The following IFT122 variants were observed in gnomAD, a reference collection of about 807,000 sequenced individuals.
IFT122 encodes the protein intraflagellar transport protein 122 homolog.
Under a neutral mutation model 161.6 loss-of-function variants are expected in IFT122, and 118 were observed. The observed-to-expected ratio is 0.73, with a 90% CI of 0.63 to 0.85. The LOEUF is 0.85. Among genes scored for constraint, IFT122 ranks in the 40% least tolerant of loss-of-function variants. The probability of loss-of-function intolerance (pLI) is 0.00; values close to 1 mark genes in which losing one functional copy is unlikely to be tolerated. For missense variants in IFT122, 1,381 were observed against 1,579.6 expected, an observed-to-expected ratio of 0.87 and a Z score of 2.13; for synonymous variants, 550 against 602.4, an observed-to-expected ratio of 0.91 and a Z score of 1.27.
chr3:129,519,814 C>A, intron 29 of IFT122, 82 bp downstream of exon 29: 1 of 1,537,356 alleles, frequency 6.5e-7, no homozygotes, highest in African/African-American at 1.4e-5. Flanking sequence ...GAGGCGTGGC[C>A]CCTGGGAGGA....
rs780944047 is a variant in IFT122 at position 129,452,015 on chromosome 3, G to T, written c.193+17G>T. The T allele has an allele frequency of 5.1e-6, 8 of 1,578,098 alleles. No individual in the cohort carries two copies. The South Asian group carries it at 8.9e-5, about 17-fold the overall frequency. ...CGAAGGATGGTAAAAGGCTGCTCTG[G>T]GTTTCCATTCTCTATAATAGCCTCA... On this transcript the variant is annotated intron_variant, in intron 3 of 29. Transcript: ENST00000348417.
chr3:129,492,349 G>A (rs2080231241), intron 17 of IFT122, among the ~76,000 whole-genome samples, 155 bp downstream of exon 17: 1 of 152,194 alleles, frequency 6.6e-6, no homozygotes. Flanking sequence ...GGGGCAGAGT[G>A]GCCACACTGG....
intron 9 of IFT122, among the ~76,000 whole-genome samples, chr3:129,471,143 G>T (rs1289351121): frequency 6.6e-6 from 1 of 152,220 alleles, no homozygotes; most frequent in Admixed American, 6.5e-5. Context: ...AACCTGTGCA[G>T]TGAAGCCTTT....
At chr3:129,463,983 ATC>A (rs1559875047) in intron 6 of IFT122, among the ~76,000 whole-genome samples, 1 of 152,186 alleles carries the variant, frequency 6.6e-6, no homozygotes, top group Non-Finnish European at 1.5e-5. Flanking sequence ...AGAATCCAGA[ATC>A]TCTCATTGAC....
At chr3:129,456,679 C>G (rs2075531367) in intron 3 of IFT122, among the ~76,000 whole-genome samples, 2 of 151,926 alleles carry the variant, frequency 1.3e-5, no homozygotes, top group Non-Finnish European at 2.9e-5. Flanking sequence ...AATCACAGCA[C>G]TTTGGAAGGC....
Position 129,504,346 on chromosome 3 carries a change from G to C in IFT122, c.2575G>C (p.Glu859Gln), listed in dbSNP as rs2081966365. 2 of 1,614,040 alleles carry C rather than the reference G, an allele frequency of 1.2e-6. No individual in the cohort carries two copies. The highest frequency in any genetic ancestry group is 4.5e-5 in the East Asian group (2 of 44,880). The change falls in exon 21 of 30, where the codon GAG (glutamate) becomes CAG (glutamine). Residue 859 changes from glutamate to glutamine, a missense_variant. Around this residue, in one of 7 missense-constraint regions of IFT122, gnomAD observed 496 missense variants for 502.5 expected, o/e 0.99. Coordinates refer to ENST00000348417, the MANE Select transcript of IFT122 (RefSeq NM_052989.3). ...CTTTGCTTTGGGTGAGAAGCATCCT[G>C]AGTTTAAGGATGACATCTACATGCC... is the stretch of plus-strand genomic sequence containing the variant. ...EAFALGEKHP[E>Q]FKDDIYMPYA...
chr3:129,510,503 A>G (rs1435698747), intron 23 of IFT122, among the ~76,000 whole-genome samples: 1 of 152,152 alleles, frequency 6.6e-6, no homozygotes, highest in Non-Finnish European at 1.5e-5. Context: ...GCTCACCTGG[A>G]GAGAAACCAC....
At chr3:129,499,502 G>C (rs923145279) in intron 18 of IFT122, among the ~76,000 whole-genome samples, 6 of 152,244 alleles carry the variant, frequency 3.9e-5, no homozygotes, top group Admixed American at 3.9e-4. Flanking sequence ...TCTCATTGCT[G>C]TTTAGGAACA....
rs888690910 is a variant in IFT122, at chr3:129,440,340, G to A, written c.10G>A (p.Val4Met). The change falls in exon 1 of 30, where the codon GTG (valine) becomes ATG (methionine). Residue 4 changes from valine (V) to methionine (M), a missense_variant. By Grantham distance (21) the Val-to-Met change is conservative. This residue lies in a region of IFT122 where 134 missense variants were observed against 137.4 expected (regional missense o/e 0.98). Transcript: ENST00000348417. ...CGTAAGGGAAGCCGTGATGAGGGCC[G>A]TGTTGACGTGGAGAGATAAAGCCGA... MRA[V>M]LTWRDKAEHC... 6.4e-7 allele frequency: 1 copy of A among 1,550,964 alleles called. No individual in the cohort carries two copies. Among genetic ancestry groups the A allele is most frequent in the Non-Finnish European group, 8.7e-7 (1 of 1,146,844 alleles).
chr3:129,444,705 A>G (rs940760445), intron 1 of IFT122, among the ~76,000 whole-genome samples: 2 of 152,158 alleles, frequency 1.3e-5, no homozygotes, highest in Non-Finnish European at 2.9e-5. Context: ...TATTTTTAGT[A>G]GAGATACAGT....
At chr3:129,504,115 C>G in intron 20 of IFT122, 7 of 546,296 alleles carry the variant, frequency 1.3e-5, no homozygotes, top group Non-Finnish European at 1.3e-5. Flanking sequence ...CAGTCGCTTG[C>G]ATATTGCTGT....
intron 5 of IFT122, chr3:129,463,338 T>G: frequency 2.0e-6 from 1 of 510,338 alleles, no homozygotes; most frequent in South Asian, 2.0e-5. Flanking sequence ...CTCCAAACCC[T>G]GGTAACCACA....
At chr3:129,464,222 C>G (rs1405863977) in intron 6 of IFT122, among the ~76,000 whole-genome samples, 2 of 152,198 alleles carry the variant, frequency 1.3e-5, no homozygotes, top group Non-Finnish European at 2.9e-5. Context: ...CGTTCAGCAT[C>G]TGTTGAGCAC....
Position 129,478,007 on chromosome 3 carries a change from C to A in IFT122, c.1148-9C>A, listed in dbSNP as rs754061139. On this transcript the variant is annotated splice_polypyrimidine_tract_variant and intron_variant, in intron 11 of 29. Transcript: ENST00000348417. ...TCTTGCTAGAACTAGATATTTTTTT[C>A]TTTGACAGTTCGGATTAAATGCAAA... 6 of 1,612,208 alleles carry A rather than the reference C, an allele frequency of 3.7e-6. No homozygotes were observed. Among genetic ancestry groups the A allele is most frequent in the Non-Finnish European group, 5.1e-6 (6 of 1,178,814 alleles).
intron 17 of IFT122, among the ~76,000 whole-genome samples, chr3:129,495,198 G>A (rs1406447792): frequency 6.6e-6 from 1 of 152,182 alleles, no homozygotes; most frequent in African/African-American, 2.4e-5. Context: ...GCAACCCTGA[G>A]GAATTTCCAT....
intron 23 of IFT122, 48 bp downstream of exon 23, chr3:129,507,810 A>G (rs749838163): frequency 2.1e-6 from 3 of 1,412,102 alleles, no homozygotes; most frequent in East Asian, 2.3e-5. Context: ...CTCCTGAGCT[A>G]GGGGTCCCGG....
At chr3:129,455,257 C>G (rs1577283145) in intron 3 of IFT122, among the ~76,000 whole-genome samples, 1 of 151,982 alleles carries the variant, frequency 6.6e-6, no homozygotes, top group African/African-American at 2.4e-5. Context: ...ATGGCAACCT[C>G]TGACTCCCTG....
At chr3:129,470,636 T>A (rs900194990) in intron 9 of IFT122, among the ~76,000 whole-genome samples, 21 of 151,830 alleles carry the variant, frequency 1.4e-4, no homozygotes, top group Admixed American at 8.5e-4. Flanking sequence ...AATGGCTCAA[T>A]CTCGGTTCAC....
At chr3:129,457,060 G>A (rs1448086036) in intron 3 of IFT122, among the ~76,000 whole-genome samples, 2 of 152,162 alleles carry the variant, frequency 1.3e-5, no homozygotes, top group Non-Finnish European at 2.9e-5. Flanking sequence ...CTTGCCCTGT[G>A]AATAAAGTCT....
Sources: gnomAD v4.1 joint callset for allele counts (sites outside exome capture counted in the v4.1 genomes callset) on GRCh38, gnomAD v4.1.1 for gene constraint, gnomAD v4.1.1 regional missense constraint, MANE v1.5 for transcripts, NCBI Gene and HGNC (gene_info 2026-07-23, HGNC 2026-07-21) for gene names.